The following KCNK10 variants were observed in gnomAD, a reference collection of about 807,000 sequenced individuals.
KCNK10 encodes potassium two pore domain channel subfamily K member 10, also known as potassium channel subfamily K member 10.
In KCNK10, 25 loss-of-function variants were observed where a neutral mutation model predicts 47.7. That is an observed-to-expected ratio of 0.52 (90% CI 0.38 to 0.73). The LOEUF is 0.73. KCNK10 is among the 30% of genes least tolerant of loss of function. The probability of loss-of-function intolerance (pLI) is 0.00; values close to 1 mark genes in which losing one functional copy is unlikely to be tolerated. For missense variants in KCNK10, 563 were observed against 714.5 expected, an observed-to-expected ratio of 0.79 and a Z score of 2.42; for synonymous variants, 303 against 285.6, an observed-to-expected ratio of 1.06 and a Z score of -0.61.
At chr14:88,191,710 G>A (rs11159845) in intron 5 of KCNK10, among the ~76,000 whole-genome samples, 4,565 of 151,882 alleles carry the variant, frequency 0.03, 89 homozygotes, top group Middle Eastern at 0.068. Context: ...ATTCCCTCTG[G>A]GCAGTTCTCA....
intron 1 of KCNK10, among the ~76,000 whole-genome samples, chr14:88,318,461 C>A (rs1234792538): frequency 3.9e-5 from 6 of 152,152 alleles, no homozygotes; most frequent in African/African-American, 1.4e-4. Flanking sequence ...GTAAGACAAT[C>A]GAATAGGTGA....
chr14:88,285,597 C>G (rs758805607), intron 1 of KCNK10, among the ~76,000 whole-genome samples: 10 of 151,998 alleles, frequency 6.6e-5, no homozygotes, highest in South Asian at 2.1e-4. Context: ...CAATCAGTGC[C>G]CATTAAATGA....
chr14:88,251,924 C>G (rs182152137), intron 2 of KCNK10, among the ~76,000 whole-genome samples: 2 of 152,282 alleles, frequency 1.3e-5, no homozygotes, highest in Admixed American at 1.3e-4. Flanking sequence ...CCTACTAAAT[C>G]AGTTCTCCTA....
At chr14:88,203,221 G>C (rs1410316825) in intron 4 of KCNK10, among the ~76,000 whole-genome samples, 1 of 152,126 alleles carries the variant, frequency 6.6e-6, no homozygotes, top group South Asian at 2.1e-4. Flanking sequence ...CACAGCAGTG[G>C]CTTCCTCCGG....
Position 88,240,686 on chromosome 14 carries a change from A to G in KCNK10, c.520+17T>C. The G allele has an allele frequency of 6.6e-7, 1 of 1,517,106 alleles. No individual in the cohort carries two copies. The highest frequency in any genetic ancestry group is 1.1e-5 in the South Asian group (1 of 89,094). 94.0% of individuals were successfully genotyped at this position (1,517,106 alleles called of 1,614,324 possible). ...GATGACCTGCAGAGGAAGAGATATTAGCAAACAAACGGGTACCTATGGTCG... is the reference window on the plus strand; with the variant it reads ...GATGACCTGCAGAGGAAGAGATATTGGCAAACAAACGGGTACCTATGGTCG... On this transcript the variant is annotated intron_variant, in intron 3 of 6. Coordinates refer to ENST00000319231, the MANE Select transcript of KCNK10 (RefSeq NM_138317.3).
At chr14:88,193,872 A>G (rs1884827897) in intron 4 of KCNK10, among the ~76,000 whole-genome samples, 2 of 152,214 alleles carry the variant, frequency 1.3e-5, no homozygotes. Context: ...AGTCGTCTGC[A>G]TCTAACAGAA....
intron 1 of KCNK10, among the ~76,000 whole-genome samples, chr14:88,277,597 A>ACT (rs34443349): frequency 0.95 from 144,322 of 152,206 alleles, 68,875 homozygotes; most frequent in East Asian, 1. Flanking sequence ...AATATTCATA[A>ACT]CTGATTAGTG....
At position 88,260,350 on chromosome 14, in the gene KCNK10, G is replaced by GT. The variant is rs1402997518; in HGVS notation, c.402+2851dup. 2.0e-5 allele frequency among the ~76,000 whole-genome samples: 3 copies of GT among 152,188 alleles called. No homozygotes were observed. The highest frequency in any genetic ancestry group is 7.2e-5 in the African/African-American group (3 of 41,430). ...CTCCCCTTCGTCTTCTGCCATGATTGTAAGTTTCCTGAAGCCTCCCAAGCC... is the reference window on the plus strand; with the variant it reads ...CTCCCCTTCGTCTTCTGCCATGATTGTTAAGTTTCCTGAAGCCTCCCAAGCC... On this transcript the variant is annotated intron_variant, in intron 2 of 6. Transcript: ENST00000319231. The surrounding 1 kb of genome is among the most constrained non-coding windows in gnomAD (Gnocchi z 4.5).
chr14:88,220,862 CT>C (rs1490413464), intron 4 of KCNK10, among the ~76,000 whole-genome samples: 2 of 151,900 alleles, frequency 1.3e-5, no homozygotes, highest in East Asian at 3.9e-4. Context: ...ATAAGCTGGA[CT>C]TCATTAAAAT....
intron 2 of KCNK10, among the ~76,000 whole-genome samples, chr14:88,262,133 C>T (rs1887128616): frequency 6.6e-6 from 1 of 152,174 alleles, no homozygotes; most frequent in South Asian, 2.1e-4. Context: ...GTGCATCTTC[C>T]AGAGCCAGAA....
chr14:88,182,400 C>G lies in KCNK10; in HGVS notation c.*3135G>C, dbSNP rs903950330. On this transcript the variant is annotated 3_prime_UTR_variant, in exon 7 of 7. Transcript: ENST00000319231. ...AATGTGTAGCAGCTTTGACCTATCACGTGTATTCTACATGCCATTTGGCCC... is the reference window on the plus strand; with the variant it reads ...AATGTGTAGCAGCTTTGACCTATCAGGTGTATTCTACATGCCATTTGGCCC... 1.3e-5 allele frequency: 2 copies of G among 152,296 alleles called. No individual in the cohort carries two copies. The highest frequency in any genetic ancestry group is 4.8e-5 in the African/African-American group (2 of 41,426). The allele number at this position is 152,296 out of a possible 1,614,324, so 9.4% of individuals were successfully genotyped here.
In KCNK10 at chr14:88,190,901, G is replaced by A. The variant is rs150013976; in HGVS notation, c.868+1323C>T. ...AGAGACCAGAACCCATCCTCCTGAT[G>A]TGCACAGTATTCCATGGAGAAATCA... On this transcript the variant is annotated intron_variant, in intron 5 of 6. Transcript: ENST00000319231. Among the ~76,000 whole-genome samples, 426 of 152,096 alleles carry A rather than the reference G, an allele frequency of 2.8e-3. 5 individuals are homozygous for A. The highest frequency in any genetic ancestry group is 9.6e-3 in the African/African-American group (397 of 41,472).
At chr14:88,196,304 G>A (rs182434488) in intron 4 of KCNK10, among the ~76,000 whole-genome samples, 7 of 152,268 alleles carry the variant, frequency 4.6e-5, no homozygotes, top group Admixed American at 1.3e-4. Flanking sequence ...AGGAGGAGAG[G>A]GAGCCAGTTC....
upstream of KCNK10, chr14:88,326,432 G>A (rs1888663912): frequency 6.2e-7 from 1 of 1,613,590 alleles, no homozygotes; most frequent in Non-Finnish European, 8.5e-7. Flanking sequence ...AGGAAAGAAA[G>A]AAGTCTGTGT....
chr14:88,265,020 C>T (rs1158432416), intron 1 of KCNK10, among the ~76,000 whole-genome samples: 1 of 152,214 alleles, frequency 6.6e-6, no homozygotes, highest in Non-Finnish European at 1.5e-5. Context: ...ATCCAGGCCA[C>T]TGTCACATCT....
rs1884440474 is a variant in KCNK10, at chr14:88,183,580, ATTT to A, written c.*1952_*1954del. On this transcript the variant is annotated 3_prime_UTR_variant, in exon 7 of 7. Transcript: ENST00000319231. ...CATAAACATCGCCTCCCAAGTGACT[ATTT>A]ATTACTGAGTCGACACAGGATGTCA... The A allele has an allele frequency of 6.6e-6, 1 of 152,342 alleles. No homozygotes were observed. Among genetic ancestry groups the A allele is most frequent in the African/African-American group, 2.4e-5 (1 of 41,448 alleles). 9.4% of individuals were successfully genotyped at this position (152,342 alleles called of 1,614,324 possible).
intron 4 of KCNK10, among the ~76,000 whole-genome samples, chr14:88,217,326 C>T (rs1221969739): frequency 6.6e-6 from 1 of 152,160 alleles, no homozygotes; most frequent in Non-Finnish European, 1.5e-5. Flanking sequence ...GTCTTTTCTA[C>T]ACTACTGAAA....
chr14:88,300,051 C>G (rs531223643), intron 1 of KCNK10, among the ~76,000 whole-genome samples: 1 of 152,152 alleles, frequency 6.6e-6, no homozygotes, highest in African/African-American at 2.4e-5. Flanking sequence ...AAATAGCTCC[C>G]GGCCAGCCTA....
At chr14:88,277,343 A>T (rs1179210303) in intron 1 of KCNK10, among the ~76,000 whole-genome samples, 1 of 152,258 alleles carries the variant, frequency 6.6e-6, no homozygotes, top group Non-Finnish European at 1.5e-5. Context: ...GCATTTCAGC[A>T]TCACCCTCTG....
Sources: gnomAD v4.1 joint callset for allele counts (sites outside exome capture counted in the v4.1 genomes callset) on GRCh38, gnomAD v4.1.1 for gene constraint, Gnocchi (gnomAD v3.1) non-coding constraint, MANE v1.5 for transcripts, NCBI Gene and HGNC (gene_info 2026-07-23, HGNC 2026-07-21) for gene names.